Variants in OR51B5 observed in about 807,000 individuals in gnomAD.
OR51B5 encodes the protein olfactory receptor 51B5.
For missense variants in OR51B5, 456 were observed against 374.6 expected (o/e 1.22, Z -1.79); for synonymous variants, 186 against 144.8 (o/e 1.28, Z -2.04).
intron 1 of OR51B5, among the ~76,000 whole-genome samples, chr11:5,381,968 T>G (rs995138332): frequency 6.6e-6 from 1 of 152,234 alleles, no homozygotes; most frequent in East Asian, 1.9e-4. Flanking sequence ...CAATTACATA[T>G]CTGCATCCAG....
intron 1 of OR51B5, chr11:5,454,138 C>G: frequency 6.2e-7 from 1 of 1,614,190 alleles, no homozygotes; most frequent in East Asian, 2.2e-5. Context: ...ATCTTCCTCT[C>G]CTATGTGCTC....
At chr11:5,367,352 T>C (rs1056182988) in intron 1 of OR51B5, among the ~76,000 whole-genome samples, 4 of 152,176 alleles carry the variant, frequency 2.6e-5, no homozygotes, top group Admixed American at 2.6e-4. Context: ...AGTAAAATAA[T>C]GGCTACCCTA....
At chr11:5,502,841 CTGAAA>C (rs1196264487) in intron 1 of OR51B5, among the ~76,000 whole-genome samples, 1 of 152,172 alleles carries the variant, frequency 6.6e-6, no homozygotes, top group Non-Finnish European at 1.5e-5. Context: ...TAAGAGTTAA[CTGAAA>C]TATGTCATTG....
intron 1 of OR51B5, among the ~76,000 whole-genome samples, chr11:5,468,066 T>C (rs1407572349): frequency 1.3e-5 from 2 of 152,218 alleles, no homozygotes; most frequent in African/African-American, 4.8e-5. Flanking sequence ...AGTTTTTGAG[T>C]TTAAAGATAT....
intron 1 of OR51B5, among the ~76,000 whole-genome samples, chr11:5,399,779 T>C (rs1345096632): frequency 7.5e-6 from 1 of 132,820 alleles, no homozygotes; most frequent in Non-Finnish European, 1.6e-5. Flanking sequence ...AAAAAAAAAA[T>C]GCAAGAAAGA....
At chr11:5,372,287 G>C in intron 1 of OR51B5, among the ~76,000 whole-genome samples, 1 of 152,146 alleles carries the variant, frequency 6.6e-6, no homozygotes, top group East Asian at 1.9e-4. Flanking sequence ...TACATATACA[G>C]CAGAGAAATT....
At chr11:5,424,751 A>G (rs979416795) in intron 1 of OR51B5, among the ~76,000 whole-genome samples, 6 of 149,010 alleles carry the variant, frequency 4.0e-5, no homozygotes, top group Non-Finnish European at 8.9e-5. Flanking sequence ...GGAGGCCGAG[A>G]CGGGTGGATC....
Position 5,419,823 on chromosome 11 carries a change from G to C in OR51B5, n.85-72913C>G, listed in dbSNP as rs1477376792. On this transcript the variant is annotated intron_variant and non_coding_transcript_variant, in intron 1 of 4. Transcript: ENST00000415970. The stretch of plus-strand genomic sequence containing the variant: ...CATGATAATAGCTCCTTTTTCCAAG[G>C]GTCATTATTAGCACTAACTGAAATT... Among the ~76,000 whole-genome samples, 9 of 151,738 alleles carry C rather than the reference G, an allele frequency of 5.9e-5. No individual in the cohort carries two copies. The East Asian group carries it at 1.2e-3, about 20-fold the overall frequency.
exon 1 of OR51B5, chr11:5,343,284 C>G: frequency 6.2e-7 from 1 of 1,612,446 alleles, no homozygotes; most frequent in Non-Finnish European, 8.5e-7. Flanking sequence ...CAGAGGACTC[C>G]CAGCACCGTG....
At chr11:5,496,242 C>T (rs1263819375) in intron 1 of OR51B5, among the ~76,000 whole-genome samples, 1 of 93,234 alleles carries the variant, frequency 1.1e-5, no homozygotes, top group East Asian at 3.2e-4. Context: ...GAGTTCTTCT[C>T]ATAGGGCCCC....
At chr11:5,351,542 T>C (rs775237088) in intron 1 of OR51B5, 1 of 1,613,544 alleles carries the variant, frequency 6.2e-7, no homozygotes, top group African/African-American at 1.3e-5. Context: ...ACCTTCCAGC[T>C]TACTGGCTTC....
chr11:5,419,259 G>A (rs1850293126), intron 1 of OR51B5, among the ~76,000 whole-genome samples: 1 of 152,132 alleles, frequency 6.6e-6, no homozygotes, highest in African/African-American at 2.4e-5. Context: ...CTATATCCAG[G>A]AATGAAAATG....
At chr11:5,472,381 C>T (rs1403086219) in intron 1 of OR51B5, among the ~76,000 whole-genome samples, 3 of 152,184 alleles carry the variant, frequency 2.0e-5, no homozygotes, top group African/African-American at 7.2e-5. Context: ...CCCCACTTAC[C>T]TCCTCAGGGT....
intron 1 of OR51B5, among the ~76,000 whole-genome samples, chr11:5,414,993 C>T (rs999424749): frequency 7.2e-5 from 11 of 152,276 alleles, no homozygotes; most frequent in African/African-American, 2.6e-4. Flanking sequence ...CACCACACCA[C>T]ACCTATTCCA....
chr11:5,351,947 T>G (rs1440053889), intron 1 of OR51B5: 1 of 1,613,086 alleles, frequency 6.2e-7, no homozygotes, highest in East Asian at 2.2e-5. Context: ...GTGCGGGTAT[T>G]GACAAGGGCT....
chr11:5,374,495 G>A (rs542006428), intron 1 of OR51B5, among the ~76,000 whole-genome samples: 13 of 152,280 alleles, frequency 8.5e-5, no homozygotes, highest in South Asian at 2.1e-4. Flanking sequence ...TGACTTTGAC[G>A]AGCTGAGAGA....
chr11:5,501,999 G>A (rs1045441271), intron 1 of OR51B5, among the ~76,000 whole-genome samples: 1 of 134,706 alleles, frequency 7.4e-6, no homozygotes, highest in African/African-American at 2.5e-5. Flanking sequence ...TCCCACCTGT[G>A]AGTGAATTTC....
At chr11:5,414,563 G>C (rs1275949071) in intron 1 of OR51B5, among the ~76,000 whole-genome samples, 13 of 151,500 alleles carry the variant, frequency 8.6e-5, no homozygotes, top group Admixed American at 8.5e-4. Flanking sequence ...ACACACATAG[G>C]CTCAAAATAA....
rs756073284 is a variant in OR51B5 at position 5,486,908 on chromosome 11, C to CA, written n.84+18660dup. Among the ~76,000 whole-genome samples the CA allele has an allele frequency of 7.0e-3, 1,013 of 144,412 alleles. 10 individuals carry two copies. The highest frequency in any genetic ancestry group is 0.023 in the African/African-American group (921 of 39,564). The allele number at this position is 144,412 out of a possible 152,430, so 94.7% of individuals were successfully genotyped here. ...ATCAATAAGATGCCTCCTGTTCTTA[C>CA]AAAAAAAAAAATCTCAATGCAAATA... On this transcript the variant is annotated intron_variant and non_coding_transcript_variant, in intron 1 of 4. Coordinates refer to the OR51B5 transcript ENST00000415970.
Sources: gnomAD v4.1 joint callset for allele counts (sites outside exome capture counted in the v4.1 genomes callset) on GRCh38, gnomAD v4.1.1 for gene constraint, MANE v1.5 for transcripts, NCBI Gene and HGNC (gene_info 2026-07-23, HGNC 2026-07-21) for gene names.